The following PSD3 variants were observed in gnomAD, a reference collection of about 807,000 sequenced individuals.
PSD3 encodes the protein PH and SEC7 domain-containing protein 3.
In PSD3, 49 loss-of-function variants were observed where a neutral mutation model predicts 105.5. That is an observed-to-expected ratio of 0.46 (90% CI 0.37 to 0.59). The LOEUF (loss-of-function observed/expected upper bound fraction) is 0.59, where lower values mean the gene tolerates loss of function less well. Among genes scored for constraint, PSD3 ranks in the 20% least tolerant of loss-of-function variants. PSD3 has a pLI of 0.00. For synonymous variants in PSD3, 557 were observed against 457.8 expected (o/e 1.22, Z -2.77); for missense variants, 1,561 against 1,263.8 (o/e 1.24, Z -3.57).
chr8:18,799,210 G>A (rs1563282367), intron 8 of PSD3, 85 bp downstream of exon 8: 7 of 1,199,220 alleles, frequency 5.8e-6, no homozygotes, highest in African/African-American at 1.5e-5. Context: ...GGGAAACGGG[G>A]AGGCAGAAAA....
intron 9 of PSD3, 63 bp downstream of exon 9, chr8:18,765,386 T>C (rs1806893120): frequency 1.4e-6 from 2 of 1,416,822 alleles, no homozygotes; most frequent in Non-Finnish European, 2.0e-6. Flanking sequence ...CTACTTAGGA[T>C]TAAGCTGTAA....
At chr8:19,045,528 A>G (rs1828288833) in intron 1 of PSD3, among the ~76,000 whole-genome samples, 1 of 152,226 alleles carries the variant, frequency 6.6e-6, no homozygotes, top group African/African-American at 2.4e-5. Context: ...TGAAAGCGGC[A>G]GTGCTCAGTA....
intron 4 of PSD3, among the ~76,000 whole-genome samples, chr8:18,866,097 T>C (rs750395685): frequency 6.6e-6 from 1 of 152,194 alleles, no homozygotes; most frequent in Non-Finnish European, 1.5e-5. Context: ...TGGTCTGTAA[T>C]ATAAACAACT....
chr8:18,930,596 A>G (rs1239960691), intron 2 of PSD3, among the ~76,000 whole-genome samples: 2 of 139,238 alleles, frequency 1.4e-5, no homozygotes, highest in Non-Finnish European at 3.0e-5. Context: ...TTTGAGATGG[A>G]GTCTCGCTCT....
At chr8:18,997,579 G>A (rs1826147067) in intron 1 of PSD3, among the ~76,000 whole-genome samples, 1 of 151,934 alleles carries the variant, frequency 6.6e-6, no homozygotes, top group Non-Finnish European at 1.5e-5. Context: ...CTCTCTAACA[G>A]GCTTCTCTGC....
intron 13 of PSD3, among the ~76,000 whole-genome samples, chr8:18,573,779 G>A (rs891136313): frequency 1.3e-5 from 2 of 152,138 alleles, no homozygotes; most frequent in Admixed American, 1.3e-4. Context: ...TGGGTGCCTG[G>A]GGCTGGAGGT....
At chr8:18,669,811 A>T (rs1468209601) in intron 9 of PSD3, among the ~76,000 whole-genome samples, 1 of 152,246 alleles carries the variant, frequency 6.6e-6, no homozygotes, top group Non-Finnish European at 1.5e-5. Flanking sequence ...ATATGGTATA[A>T]GTATTAATAC....
intron 9 of PSD3, among the ~76,000 whole-genome samples, chr8:18,748,682 A>AT (rs1805226567): frequency 6.7e-6 from 1 of 148,934 alleles, no homozygotes; most frequent in Non-Finnish European, 1.5e-5. Context: ...AAAAAAAAAG[A>AT]TTTTTCCTTT....
chr8:18,652,164 C>G (rs1302505338), intron 10 of PSD3, among the ~76,000 whole-genome samples: 1 of 152,120 alleles, frequency 6.6e-6, no homozygotes, highest in Non-Finnish European at 1.5e-5. Context: ...AGTTTGGAGA[C>G]AGACGATGAG....
chr8:18,847,268 C>A (rs1815171627), intron 4 of PSD3, among the ~76,000 whole-genome samples: 1 of 152,146 alleles, frequency 6.6e-6, no homozygotes, highest in Non-Finnish European at 1.5e-5. Context: ...GGAAAAGGTG[C>A]AATTGGGGTT....
intron 1 of PSD3, among the ~76,000 whole-genome samples, chr8:18,960,030 G>A (rs75272323): frequency 0.015 from 2,314 of 152,200 alleles, 62 homozygotes; most frequent in African/African-American, 0.053. Context: ...TCCATCCCCA[G>A]AAAAATTACC....
chr8:18,908,198 T>C (rs1256687748), intron 2 of PSD3, among the ~76,000 whole-genome samples: 1 of 152,176 alleles, frequency 6.6e-6, no homozygotes, highest in Non-Finnish European at 1.5e-5. Flanking sequence ...GGTTCAACAA[T>C]AGAGGCAAAT....
chr8:19,053,947 T>A (rs1828618381), intron 1 of PSD3, among the ~76,000 whole-genome samples: 1 of 152,226 alleles, frequency 6.6e-6, no homozygotes, highest in Admixed American at 6.5e-5. Flanking sequence ...GACTGCTTAC[T>A]TGGTTGGCTT....
intron 1 of PSD3, among the ~76,000 whole-genome samples, chr8:19,023,412 T>C (rs112109141): frequency 1.1e-4 from 12 of 113,908 alleles, no homozygotes; most frequent in African/African-American, 3.9e-4. Context: ...TATTTATTTA[T>C]TTATTTATTT....
At chr8:18,938,120 C>A (rs796726921) in intron 1 of PSD3, among the ~76,000 whole-genome samples, 1 of 152,116 alleles carries the variant, frequency 6.6e-6, no homozygotes, top group Non-Finnish European at 1.5e-5. Context: ...GATTCATTTG[C>A]ATTTTAAAAG....
At chr8:18,664,900 A>G (rs1345957439) in intron 9 of PSD3, among the ~76,000 whole-genome samples, 1 of 152,240 alleles carries the variant, frequency 6.6e-6, no homozygotes, top group African/African-American at 2.4e-5. Flanking sequence ...GGATGGCAGC[A>G]TATCTGTTGA....
chr8:18,835,100 C>T (rs1303134533), intron 4 of PSD3, among the ~76,000 whole-genome samples: 1 of 152,090 alleles, frequency 6.6e-6, no homozygotes, highest in Non-Finnish European at 1.5e-5. Context: ...AATACAGGCA[C>T]TCATACATTA....
intron 9 of PSD3, among the ~76,000 whole-genome samples, chr8:18,752,584 TATTATATATTATATATTATATATAATAC>T (rs1805660013): frequency 2.8e-5 from 2 of 71,926 alleles, no homozygotes; most frequent in African/African-American, 7.9e-5. Context: ...TAATTATATA[TATTATATATTATATATTATATATAATAC>T]ATATAATATA....
chr8:18,738,527 G>C (rs1173638280), intron 9 of PSD3, among the ~76,000 whole-genome samples: 1 of 152,070 alleles, frequency 6.6e-6, no homozygotes, highest in South Asian at 2.1e-4. Flanking sequence ...AATCCACACA[G>C]CAGCCATATT....
Sources: allele counts gnomAD v4.1 joint callset (sites outside exome capture counted in the v4.1 genomes callset), GRCh38; gene constraint gnomAD v4.1.1; transcripts MANE v1.5; gene names NCBI Gene and HGNC (gene_info 2026-07-23, HGNC 2026-07-21).